PLCE1: variants seen among roughly 807,000 people sequenced by gnomAD.
PLCE1 encodes the protein phospholipase C epsilon 1.
Under a neutral mutation model 242.8 loss-of-function variants are expected in PLCE1, and 119 were observed. The ratio of observed to expected loss-of-function variants is 0.49; its 90% CI spans 0.42 to 0.57. The LOEUF (loss-of-function observed/expected upper bound fraction) is 0.57, where lower values mean the gene tolerates loss of function less well. PLCE1 is among the 20% of genes least tolerant of loss of function. The probability of loss-of-function intolerance (pLI) is 0.00; values close to 1 mark genes in which losing one functional copy is unlikely to be tolerated. For missense variants in PLCE1, 2,441 were observed against 2,788.8 expected, an observed-to-expected ratio of 0.88 and a Z score of 2.81; for synonymous variants, 945 against 1,017.4, an observed-to-expected ratio of 0.93 and a Z score of 1.35.
chr10:94,182,899 C>G (rs34487842), intron 4 of PLCE1, among the ~76,000 whole-genome samples: 77 of 152,132 alleles, frequency 5.1e-4, no homozygotes, highest in Admixed American at 2.2e-3. Flanking sequence ...AATAATGGAT[C>G]CGGTGGAAAT....
At chr10:94,075,599 T>G (rs1312281542) in intron 2 of PLCE1, among the ~76,000 whole-genome samples, 1 of 152,214 alleles carries the variant, frequency 6.6e-6, no homozygotes, top group African/African-American at 2.4e-5. Context: ...GTCTAGCTGT[T>G]TTGAGCTGAG....
chr10:94,103,625 T>C (rs1267886633), intron 2 of PLCE1, among the ~76,000 whole-genome samples: 1 of 152,200 alleles, frequency 6.6e-6, no homozygotes. Flanking sequence ...GTTCTGCACA[T>C]GTACCCCAGA....
chr10:94,218,709 ACT>A lies in PLCE1; in HGVS notation c.1810-8596_1810-8595del, dbSNP rs560988263. 2.2e-3 allele frequency among the ~76,000 whole-genome samples: 339 copies of A among 152,066 alleles called. 2 individuals are homozygous for A. Among genetic ancestry groups the A allele is most frequent in the African/African-American group, 7.4e-3 (307 of 41,526 alleles). On this transcript the variant is annotated intron_variant, in intron 4 of 32. Coordinates refer to ENST00000371380, the MANE Select transcript of PLCE1 (RefSeq NM_016341.4). ...CAGGCAAATTCACAGGCATGCAGTA[ACT>A]GTTTGTGGAAAAAATAGGCATTACT...
At chr10:94,254,478 G>T (rs1338687728) in intron 10 of PLCE1, among the ~76,000 whole-genome samples, 171 bp downstream of exon 10, 1 of 152,128 alleles carries the variant, frequency 6.6e-6, no homozygotes, top group Non-Finnish European at 1.5e-5. Flanking sequence ...AGTGTGCTTG[G>T]AATAAAATCC....
In PLCE1 at chr10:94,030,883, AT is replaced by A. The variant is rs1202743514; in HGVS notation, c.-161del. The A allele has an allele frequency of 1.5e-6, 1 of 680,482 alleles. No individual in the cohort carries two copies. Among genetic ancestry groups the A allele is most frequent in the Non-Finnish European group, 2.6e-6 (1 of 391,092 alleles). 42.2% of individuals were successfully genotyped at this position (680,482 alleles called of 1,614,324 possible). ...TAGGAAGTTATAACTAAGAAAATTT[AT>A]TTGCCTCTTAATGCTCCTGAATGAA... is the stretch of plus-strand genomic sequence containing the variant. On this transcript the variant is annotated 5_prime_UTR_variant, in exon 2 of 33. Coordinates refer to ENST00000371380, the MANE Select transcript of PLCE1 (RefSeq NM_016341.4).
At chr10:94,165,505 C>G (rs996400213) in intron 3 of PLCE1, among the ~76,000 whole-genome samples, 1 of 152,156 alleles carries the variant, frequency 6.6e-6, no homozygotes, top group African/African-American at 2.4e-5. Context: ...CTGTGTCACT[C>G]ACACTGGGAG....
chr10:94,259,520 G>A (rs374944570), intron 13 of PLCE1, among the ~76,000 whole-genome samples: 69 of 152,166 alleles, frequency 4.5e-4, no homozygotes, highest in African/African-American at 1.5e-3. Context: ...TCCTGACCTC[G>A]TGATCTGCCA....
chr10:94,140,298 C>T (rs2046913480), intron 3 of PLCE1, among the ~76,000 whole-genome samples: 3 of 151,570 alleles, frequency 2.0e-5, no homozygotes, highest in East Asian at 1.9e-4. Flanking sequence ...TTTGAGAGGT[C>T]GAGGCGAGCA....
At chr10:94,230,344 A>G (rs1489921754) in intron 5 of PLCE1, among the ~76,000 whole-genome samples, 1 of 152,084 alleles carries the variant, frequency 6.6e-6, no homozygotes, top group East Asian at 1.9e-4. Context: ...TTTTTTTTTT[A>G]AACGGAGCCT....
chr10:94,020,443 G>A (rs2061356701), intron 1 of PLCE1, among the ~76,000 whole-genome samples: 1 of 152,202 alleles, frequency 6.6e-6, no homozygotes, highest in South Asian at 2.1e-4. Flanking sequence ...TTATCATTCT[G>A]TGGCTTGTCT....
chr10:94,293,873 A>G (rs1362552502), intron 23 of PLCE1, among the ~76,000 whole-genome samples: 2 of 152,120 alleles, frequency 1.3e-5, no homozygotes, highest in Non-Finnish European at 2.9e-5. Context: ...TTTGGAGGCC[A>G]AGGCAGGTGG....
chr10:94,270,696 G>GTC (rs780254806), intron 18 of PLCE1, 94 bp downstream of exon 18: 73 of 843,668 alleles, frequency 8.7e-5, no homozygotes, highest in Non-Finnish European at 1.4e-4. Context: ...TTGAGACAGA[G>GTC]TCTCGCTCTC....
At chr10:94,082,729 A>T (rs1359101841) in intron 2 of PLCE1, among the ~76,000 whole-genome samples, 1 of 152,188 alleles carries the variant, frequency 6.6e-6, no homozygotes, top group African/African-American at 2.4e-5. Flanking sequence ...AAAATTAATA[A>T]TTTTTTCCAT....
At chr10:94,187,946 C>T (rs1209486379) in intron 4 of PLCE1, among the ~76,000 whole-genome samples, 5 of 152,068 alleles carry the variant, frequency 3.3e-5, no homozygotes, top group Non-Finnish European at 7.4e-5. Context: ...ACAACCCCCT[C>T]TTCTTTTCTC....
At chr10:94,274,188 C>T (rs904282972) in intron 19 of PLCE1, among the ~76,000 whole-genome samples, 22 of 151,562 alleles carry the variant, frequency 1.5e-4, no homozygotes, top group African/African-American at 5.4e-4. Flanking sequence ...GGCCCAAGCA[C>T]GACAAACCCA....
At chr10:94,008,903 G>A (rs1035944891) in intron 1 of PLCE1, among the ~76,000 whole-genome samples, 2 of 152,158 alleles carry the variant, frequency 1.3e-5, no homozygotes, top group Admixed American at 6.5e-5. Flanking sequence ...GCTGAGCCGT[G>A]TGTATGGGTT....
intron 2 of PLCE1, among the ~76,000 whole-genome samples, chr10:94,119,980 G>A (rs895530231): frequency 2.7e-4 from 41 of 152,320 alleles, no homozygotes; most frequent in African/African-American, 9.1e-4. Context: ...GTCAGTCCAA[G>A]CTTCTCAGAG....
chr10:94,067,376 CT>C (rs1277912118), intron 2 of PLCE1, among the ~76,000 whole-genome samples: 1 of 152,164 alleles, frequency 6.6e-6, no homozygotes, highest in African/African-American at 2.4e-5. Context: ...AAAGCTCTGC[CT>C]TTACTCTTGC....
intron 4 of PLCE1, among the ~76,000 whole-genome samples, chr10:94,193,393 A>G (rs187422694): frequency 2.6e-5 from 4 of 152,308 alleles, no homozygotes; most frequent in Admixed American, 2.6e-4. Flanking sequence ...CCAGCACAGT[A>G]TGGGGAGATA....
Sources: gnomAD v4.1 joint callset for allele counts (sites outside exome capture counted in the v4.1 genomes callset) on GRCh38, gnomAD v4.1.1 for gene constraint, MANE v1.5 for transcripts, NCBI Gene and HGNC (gene_info 2026-07-23, HGNC 2026-07-21) for gene names.